Variants in TOX observed in about 807,000 individuals in gnomAD.
The protein encoded by TOX is thymocyte selection associated high mobility group box.
Under a neutral mutation model 53.7 loss-of-function variants are expected in TOX, and 11 were observed. That is an observed-to-expected ratio of 0.20 (90% CI 0.13 to 0.34). The LOEUF (loss-of-function observed/expected upper bound fraction) is 0.34. TOX is among the 10% of genes least tolerant of loss of function. The pLI is 1.00. For missense variants in TOX, 570 were observed against 664.6 expected (o/e 0.86, Z 1.56); for synonymous variants, 225 against 245.3 (o/e 0.92, Z 0.77).
intron 1 of TOX, among the ~76,000 whole-genome samples, chr8:59,109,877 T>C (rs1051840883): frequency 5.3e-5 from 8 of 152,244 alleles, no homozygotes; most frequent in African/African-American, 1.9e-4. Context: ...TAAAATTATT[T>C]AGCATTACAA....
intron 3 of TOX, among the ~76,000 whole-genome samples, chr8:58,913,891 C>T (rs1682805652): frequency 6.6e-6 from 1 of 151,956 alleles, no homozygotes; most frequent in Admixed American, 6.6e-5. Flanking sequence ...TTAGCTTTCA[C>T]TTAGCCACTT....
At chr8:58,930,312 A>T (rs1019894764) in intron 3 of TOX, among the ~76,000 whole-genome samples, 1 of 152,196 alleles carries the variant, frequency 6.6e-6, no homozygotes, top group Non-Finnish European at 1.5e-5. Context: ...ATAGTTATTA[A>T]GCTCCTACTA....
chr8:59,033,481 C>CTTAA (rs1261353687), intron 1 of TOX, among the ~76,000 whole-genome samples: 1 of 152,198 alleles, frequency 6.6e-6, no homozygotes, highest in African/African-American at 2.4e-5. Context: ...TGTGAAAGTA[C>CTTAA]TTAATGCCAC....
chr8:58,877,865 A>G (rs969495090), intron 3 of TOX, among the ~76,000 whole-genome samples: 1 of 152,146 alleles, frequency 6.6e-6, no homozygotes, highest in Non-Finnish European at 1.5e-5. Flanking sequence ...TATTAAAAAA[A>G]AAAAAAGCCT....
At chr8:59,109,046 A>C (rs891371991) in intron 1 of TOX, among the ~76,000 whole-genome samples, 1 of 152,160 alleles carries the variant, frequency 6.6e-6, no homozygotes, top group African/African-American at 2.4e-5. Context: ...TCACCACCAT[A>C]TCAGGTCTAC....
intron 4 of TOX, among the ~76,000 whole-genome samples, chr8:58,850,131 T>C (rs753959016): frequency 1.3e-5 from 2 of 151,906 alleles, no homozygotes; most frequent in Non-Finnish European, 2.9e-5. Context: ...GGAGAGACAG[T>C]AAGGATGGAG....
At chr8:59,095,391 C>T (rs1323718359) in intron 1 of TOX, among the ~76,000 whole-genome samples, 2 of 152,144 alleles carry the variant, frequency 1.3e-5, no homozygotes, top group Non-Finnish European at 2.9e-5. Flanking sequence ...CAAGAATATC[C>T]TGAAAGATGA....
At position 58,911,992 on chromosome 8, in the gene TOX, G is replaced by A. The variant is rs543261403; in HGVS notation, c.411+27310C>T. ...GCTGGGATTACAGGCGTGAGCCACC[G>A]TGCCCGGCCCAAATACTTTTCAATG... On this transcript the variant is annotated intron_variant, in intron 3 of 8. Coordinates refer to ENST00000361421, the MANE Select transcript of TOX (RefSeq NM_014729.3). Among the ~76,000 whole-genome samples the A allele has an allele frequency of 6.3e-3, 962 of 152,282 alleles. 12 individuals carry two copies. Among genetic ancestry groups the A allele is most frequent in the African/African-American group, 0.022 (922 of 41,566 alleles).
At chr8:58,995,815 T>C (rs894996176) in intron 1 of TOX, among the ~76,000 whole-genome samples, 6 of 152,340 alleles carry the variant, frequency 3.9e-5, no homozygotes, top group Non-Finnish European at 7.3e-5. Context: ...AATGAATCCT[T>C]ACCAACAGGT....
chr8:58,968,154 C>A (rs1812936896), intron 1 of TOX, among the ~76,000 whole-genome samples: 1 of 152,088 alleles, frequency 6.6e-6, no homozygotes, highest in African/African-American at 2.4e-5. Flanking sequence ...ACCAAGCAAT[C>A]CATTTTCATT....
intron 1 of TOX, among the ~76,000 whole-genome samples, chr8:59,063,771 A>C (rs1804037576): frequency 6.6e-6 from 1 of 152,106 alleles, no homozygotes; most frequent in South Asian, 2.1e-4. Context: ...CTCAACTATA[A>C]AAGCATATTC....
chr8:59,001,768 T>C (rs1043008177), intron 1 of TOX, among the ~76,000 whole-genome samples: 1 of 151,942 alleles, frequency 6.6e-6, no homozygotes, highest in East Asian at 1.9e-4. Flanking sequence ...ATAAGGTCAA[T>C]CAGATGACAA....
chr8:58,963,548 T>C (rs1009767189), intron 1 of TOX, among the ~76,000 whole-genome samples: 1 of 152,228 alleles, frequency 6.6e-6, no homozygotes, highest in African/African-American at 2.4e-5. Flanking sequence ...AGAAGAGCCA[T>C]GTTGATTTGC....
intron 1 of TOX, among the ~76,000 whole-genome samples, chr8:58,999,321 T>G (rs2326251): frequency 0.44 from 66,473 of 151,484 alleles, 17,022 homozygotes; most frequent in African/African-American, 0.7. Flanking sequence ...CAGTAAACAA[T>G]TTCAGGAAAA....
chr8:58,898,373 A>C (rs1442220142), intron 3 of TOX, among the ~76,000 whole-genome samples: 5 of 152,242 alleles, frequency 3.3e-5, no homozygotes, highest in Non-Finnish European at 7.3e-5. Flanking sequence ...GTGCTCAAAA[A>C]CTACATATTT....
intron 1 of TOX, among the ~76,000 whole-genome samples, chr8:59,062,946 A>C (rs1204404924): frequency 6.6e-6 from 1 of 152,114 alleles, no homozygotes; most frequent in Non-Finnish European, 1.5e-5. Flanking sequence ...ACCTTTAACA[A>C]GGAGGTAAAA....
intron 1 of TOX, among the ~76,000 whole-genome samples, chr8:59,037,543 T>C (rs116282343): frequency 0.026 from 4,006 of 152,234 alleles, 79 homozygotes; most frequent in Middle Eastern, 0.085. Context: ...TTCAGAATTT[T>C]CTGTAATCCC....
At chr8:59,009,663 C>T (rs1223746597) in intron 1 of TOX, among the ~76,000 whole-genome samples, 4 of 152,176 alleles carry the variant, frequency 2.6e-5, no homozygotes, top group South Asian at 2.1e-4. Flanking sequence ...TGAGCCACCA[C>T]GCCCGGCCAT....
At chr8:59,047,386 T>A (rs1370972035) in intron 1 of TOX, among the ~76,000 whole-genome samples, 1 of 150,872 alleles carries the variant, frequency 6.6e-6, no homozygotes, top group African/African-American at 2.4e-5. Flanking sequence ...CCAGCTAATT[T>A]TTTTTTTATT....
Sources: allele counts gnomAD v4.1 joint callset (sites outside exome capture counted in the v4.1 genomes callset), GRCh38; gene constraint gnomAD v4.1.1; transcripts MANE v1.5; gene names NCBI Gene and HGNC (gene_info 2026-07-23, HGNC 2026-07-21).